ATXN1: variants seen among roughly 807,000 people sequenced by gnomAD.
ATXN1 encodes the protein ataxin-1.
ATXN1 carries 8 observed loss-of-function variants against 56.4 expected under a neutral mutation model. The observed-to-expected ratio is 0.14, with a 90% CI of 0.08 to 0.26. The LOEUF (loss-of-function observed/expected upper bound fraction) is 0.26, where lower values mean the gene tolerates loss of function less well. Ranked by LOEUF, ATXN1 falls within the 10% of genes least tolerant of loss-of-function variation. The pLI, the probability that ATXN1 is intolerant of heterozygous loss-of-function variation, is 1.00. For missense variants in ATXN1, 987 were observed against 1,106.5 expected (o/e 0.89, Z 1.53); for synonymous variants, 514 against 494.6 (o/e 1.04, Z -0.52).
intron 5 of ATXN1, among the ~76,000 whole-genome samples, chr6:16,516,445 T>C (rs1380018779): frequency 6.6e-6 from 1 of 152,198 alleles, no homozygotes; most frequent in Non-Finnish European, 1.5e-5. Flanking sequence ...CTTTGAAGCA[T>C]TGAATTGCTG....
At chr6:16,538,575 T>G (rs1050379138) in intron 4 of ATXN1, among the ~76,000 whole-genome samples, 6 of 150,408 alleles carry the variant, frequency 4.0e-5, no homozygotes, top group African/African-American at 7.3e-5. Flanking sequence ...AATGCTATCC[T>G]TCCCCCCTCC....
rs562136528 is a variant in ATXN1 at position 16,474,833 on chromosome 6, C to CAT, written c.-161+11137_-161+11138dup. 3.6e-3 allele frequency among the ~76,000 whole-genome samples: 449 copies of CAT among 125,760 alleles called. 1 individual carries two copies. Among genetic ancestry groups the CAT allele is most frequent in the African/African-American group, 0.012 (422 of 35,586 alleles). 82.5% of individuals were successfully genotyped at this position (125,760 alleles called of 152,430 possible). On this transcript the variant is annotated intron_variant, in intron 6 of 7. Coordinates refer to ENST00000436367, the MANE Select transcript of ATXN1 (RefSeq NM_001128164.2). ...GCCTAGCCTGTAGCATATGTGTGTG[C>CAT]ATACACACACACACACACACACACA...
intron 6 of ATXN1, among the ~76,000 whole-genome samples, chr6:16,440,498 G>A (rs1254505850): frequency 6.6e-6 from 1 of 151,130 alleles, no homozygotes; most frequent in Non-Finnish European, 1.5e-5. Flanking sequence ...GAACACAAGA[G>A]GGAATACATA....
intron 2 of ATXN1, chr6:16,666,756 G>C (rs771240179): frequency 6.6e-6 from 1 of 151,974 alleles, no homozygotes; most frequent in East Asian, 1.9e-4. Flanking sequence ...CGTTCGCCTC[G>C]GTCTCCCAAA....
intron 4 of ATXN1, among the ~76,000 whole-genome samples, chr6:16,530,643 C>T (rs183298098): frequency 7.9e-5 from 12 of 152,296 alleles, no homozygotes; most frequent in Admixed American, 3.3e-4. Flanking sequence ...GGAAAAATAA[C>T]TAATGGTTAC....
At chr6:16,543,478 A>C (rs1761753892) in intron 4 of ATXN1, among the ~76,000 whole-genome samples, 1 of 152,026 alleles carries the variant, frequency 6.6e-6, no homozygotes, top group South Asian at 2.1e-4. Flanking sequence ...GGCACATAAG[A>C]CTCTTACAGG....
At chr6:16,592,511 T>C (rs1762740740) in intron 3 of ATXN1, among the ~76,000 whole-genome samples, 1 of 152,120 alleles carries the variant, frequency 6.6e-6, no homozygotes, top group Non-Finnish European at 1.5e-5. Context: ...GTTAGACGTA[T>C]TAGTCACTGT....
chr6:16,566,579 C>T (rs575621255), intron 4 of ATXN1, among the ~76,000 whole-genome samples: 71 of 152,142 alleles, frequency 4.7e-4, no homozygotes, highest in Middle Eastern at 3.4e-3. Flanking sequence ...ACAGGCTGGG[C>T]GCGGTGGCTC....
intron 4 of ATXN1, among the ~76,000 whole-genome samples, chr6:16,583,313 CTG>C (rs1246073301): frequency 1.3e-5 from 2 of 152,308 alleles, no homozygotes; most frequent in East Asian, 1.9e-4. Flanking sequence ...ACACGTCGTT[CTG>C]TGTTTGTCTC....
chr6:16,606,771 G>A (rs62389044), intron 3 of ATXN1, among the ~76,000 whole-genome samples: 6 of 150,996 alleles, frequency 4.0e-5, no homozygotes, highest in Admixed American at 6.6e-5. Context: ...CTCGTGATCC[G>A]CCCGCCTCAG....
intron 7 of ATXN1, among the ~76,000 whole-genome samples, chr6:16,317,290 G>GT (rs200160308): frequency 0.016 from 2,443 of 152,066 alleles, 44 homozygotes; most frequent in Non-Finnish European, 0.021. Flanking sequence ...ACCCTAAGCA[G>GT]TAAGTAGAAT....
At chr6:16,384,203 C>G (rs1211387161) in intron 6 of ATXN1, among the ~76,000 whole-genome samples, 1 of 152,184 alleles carries the variant, frequency 6.6e-6, no homozygotes, top group Non-Finnish European at 1.5e-5. Context: ...GGATCCACAA[C>G]AGTCAATGCT....
intron 5 of ATXN1, among the ~76,000 whole-genome samples, chr6:16,518,118 G>A (rs1343329983): frequency 1.5e-5 from 1 of 65,744 alleles, no homozygotes; most frequent in East Asian, 6.4e-4. Flanking sequence ...CAAGCGCCAC[G>A]AAGAAAACAA....
At chr6:16,597,587 T>C (rs1338398553) in intron 3 of ATXN1, among the ~76,000 whole-genome samples, 1 of 152,040 alleles carries the variant, frequency 6.6e-6, no homozygotes, top group Non-Finnish European at 1.5e-5. Flanking sequence ...TCCAGGCACA[T>C]GCCACCACAC....
At chr6:16,324,202 G>A (rs1760749741) in intron 7 of ATXN1, among the ~76,000 whole-genome samples, 1 of 152,288 alleles carries the variant, frequency 6.6e-6, no homozygotes, top group East Asian at 1.9e-4. Context: ...AGGGCTTTGG[G>A]AGGCCGAGGT....
intron 6 of ATXN1, among the ~76,000 whole-genome samples, chr6:16,397,258 T>C (rs1241940275): frequency 2.0e-5 from 3 of 151,946 alleles, no homozygotes; most frequent in Non-Finnish European, 2.9e-5. Flanking sequence ...CTTTTTGTTT[T>C]GTTTTTTGTT....
intron 6 of ATXN1, among the ~76,000 whole-genome samples, chr6:16,366,936 A>C (rs1402509310): frequency 6.6e-6 from 1 of 152,206 alleles, no homozygotes; most frequent in African/African-American, 2.4e-5. Context: ...AAAAATTACA[A>C]ATGTGCAATT....
chr6:16,433,713 T>C (rs1439912255), intron 6 of ATXN1, among the ~76,000 whole-genome samples: 1 of 152,196 alleles, frequency 6.6e-6, no homozygotes, highest in Non-Finnish European at 1.5e-5. Flanking sequence ...AACAGGTGCA[T>C]TAAGTGCATG....
chr6:16,733,733 G>A (rs1430565043), intron 2 of ATXN1, among the ~76,000 whole-genome samples: 2 of 152,234 alleles, frequency 1.3e-5, no homozygotes, highest in African/African-American at 4.8e-5. Flanking sequence ...TGTAATCCCA[G>A]CTACTTGGGA....
Sources: gnomAD v4.1 joint callset for allele counts (sites outside exome capture counted in the v4.1 genomes callset) on GRCh38, gnomAD v4.1.1 for gene constraint, MANE v1.5 for transcripts, NCBI Gene and HGNC (gene_info 2026-07-23, HGNC 2026-07-21) for gene names.